Variants in KATNB1 observed in about 807,000 individuals in gnomAD.
KATNB1 encodes the protein katanin p80 WD40 repeat-containing subunit B1.
A neutral mutation model predicts 82.3 loss-of-function variants in KATNB1; 38 were observed. The observed-to-expected ratio is 0.46, with a 90% CI of 0.36 to 0.61. The LOEUF is 0.61. Among genes scored for constraint, KATNB1 ranks in the 20% least tolerant of loss-of-function variants. The pLI, the probability that KATNB1 is intolerant of heterozygous loss-of-function variation, is 0.00. For synonymous variants in KATNB1, 361 were observed against 368.7 expected (o/e 0.98, Z 0.24); for missense variants, 749 against 915.7 (o/e 0.82, Z 2.35).
At chr16:57,749,591 A>G (rs932194202) in intron 4 of KATNB1, among the ~76,000 whole-genome samples, 1 of 152,156 alleles carries the variant, frequency 6.6e-6, no homozygotes, top group Non-Finnish European at 1.5e-5. Context: ...GGACTCCCAC[A>G]TTTCCTGACC....
At chr16:57,741,911 C>A in intron 3 of KATNB1, 94 bp downstream of exon 3, 1 of 1,420,200 alleles carries the variant, frequency 7.0e-7, no homozygotes, top group Non-Finnish European at 9.6e-7. Flanking sequence ...GCTTCTCAGA[C>A]TCTCTTGAGC....
rs139909887 is a variant in KATNB1, at chr16:57,756,911, C to T, written c.1933C>T (p.Arg645Cys). ...GAGCGGCCGCCATGGCAGTACCTTC[C>T]GCGAGCTGCACCTGCTCATGGCCAG... ...GLSGRHGSTFRELHLLMASLD is the reference protein window; with the variant it reads ...GLSGRHGSTFCELHLLMASLD Residue 645 changes from arginine to cysteine, a missense_variant, in exon 20 of 20, where the codon CGC (arginine) becomes TGC (cysteine). Coordinates refer to ENST00000379661, the MANE Select transcript of KATNB1 (RefSeq NM_005886.3). The T allele has an allele frequency of 2.7e-5, 42 of 1,550,560 alleles. No homozygotes were observed. Among genetic ancestry groups the T allele is most frequent in the African/African-American group, 9.6e-5 (7 of 73,134 alleles).
intron 13 of KATNB1, 140 bp downstream of exon 13, chr16:57,754,135 C>G: frequency 1.0e-5 from 7 of 701,420 alleles, no homozygotes; most frequent in Non-Finnish European, 1.5e-5. Context: ...CCCGCTGGGT[C>G]TCTGCCCTCT....
chr16:57,741,836 C>T lies in KATNB1; in HGVS notation c.171+19C>T, dbSNP rs782442449. 32 of 1,606,810 alleles carry T rather than the reference C, an allele frequency of 2.0e-5. No individual in the cohort carries two copies. Among genetic ancestry groups the T allele is most frequent in the East Asian group, 1.8e-4 (8 of 44,560 alleles). On this transcript the variant is annotated intron_variant, in intron 3 of 19. Transcript: ENST00000379661. ...CATCATGGTGAGCCCCGACAGCTGG[C>T]GGGGGGTCAGGACAAGGGCCTGGGG...
In KATNB1 at chr16:57,751,191, T is replaced by C. The variant is rs3803594; in HGVS notation, c.391-70T>C. 62,788 of 1,473,208 alleles carry C rather than the reference T, an allele frequency of 0.043. 3,908 individuals are homozygous for C. The highest frequency in any genetic ancestry group is 0.22 in the Admixed American group (13,113 of 59,598). 91.3% of individuals were successfully genotyped at this position (1,473,208 alleles called of 1,614,324 possible). On this transcript the variant is annotated intron_variant, in intron 5 of 19. Transcript: ENST00000379661. The surrounding 1 kb of genome is among the most constrained non-coding windows in gnomAD (Gnocchi z 6.3). Reference sequence around the variant, plus strand: ...CTGGGCCCCACCGTCTGCTCACGACTGCACACCTTCCTCCAGTCGTGGCTC... The same window carrying C: ...CTGGGCCCCACCGTCTGCTCACGACCGCACACCTTCCTCCAGTCGTGGCTC...
chr16:57,738,736 G>A (rs1327889470), intron 2 of KATNB1, among the ~76,000 whole-genome samples: 2 of 152,214 alleles, frequency 1.3e-5, no homozygotes, highest in Non-Finnish European at 2.9e-5. Flanking sequence ...ACTTTGGTCA[G>A]AGTGGCTTTG....
Position 57,737,196 on chromosome 16 carries a change from G to A in KATNB1, c.-48G>A. ...GATCCACCCCCACCCCACGAGGAAAGCACAGTTTATTTTGTGGGTGGGGCT... is the reference window on the plus strand; with the variant it reads ...GATCCACCCCCACCCCACGAGGAAAACACAGTTTATTTTGTGGGTGGGGCT... On this transcript the variant is annotated 5_prime_UTR_variant, in exon 2 of 20. Transcript: ENST00000379661. The A allele has an allele frequency of 6.2e-7, 1 of 1,612,030 alleles. No individual in the cohort carries two copies. Among genetic ancestry groups the A allele is most frequent in the Non-Finnish European group, 8.5e-7 (1 of 1,178,708 alleles).
chr16:57,746,395 C>CT (rs2049184458), intron 4 of KATNB1, among the ~76,000 whole-genome samples: 1 of 152,052 alleles, frequency 6.6e-6, no homozygotes, highest in Admixed American at 6.6e-5. Flanking sequence ...TCTCTGCAGG[C>CT]TTTTAGGGTC....
intron 16 of KATNB1, 149 bp from the exon 17 acceptor site, chr16:57,755,692 C>A: frequency 1.0e-6 from 1 of 977,358 alleles, no homozygotes; most frequent in Non-Finnish European, 1.5e-6. Context: ...GTTTACATGC[C>A]TGGCCTTACA....
intron 4 of KATNB1, among the ~76,000 whole-genome samples, chr16:57,745,725 G>A (rs1340287050): frequency 1.4e-4 from 21 of 151,918 alleles, no homozygotes; most frequent in African/African-American, 1.2e-4. Flanking sequence ...ATGTAAGGAC[G>A]CATAAGTGTC....
intron 13 of KATNB1, among the ~76,000 whole-genome samples, chr16:57,754,683 GGC>G (rs1334417509): frequency 1.3e-5 from 2 of 152,130 alleles, no homozygotes; most frequent in Non-Finnish European, 2.9e-5. Flanking sequence ...GGGACAGGAT[GGC>G]CACATCCTAG....
chr16:57,738,932 G>C (rs1176114853), intron 2 of KATNB1, among the ~76,000 whole-genome samples: 4 of 150,556 alleles, frequency 2.7e-5, no homozygotes, highest in African/African-American at 9.7e-5. Context: ...GCAAGCTGGT[G>C]CCTGTGCTTT....
At chr16:57,741,945 C>A in intron 3 of KATNB1, 128 bp downstream of exon 3, 1 of 1,147,580 alleles carries the variant, frequency 8.7e-7, no homozygotes. Flanking sequence ...TCCGCTGGGG[C>A]CCAGCTCAGG....
At chr16:57,743,911 C>T (rs1555580493) in intron 3 of KATNB1, among the ~76,000 whole-genome samples, 1 of 152,230 alleles carries the variant, frequency 6.6e-6, no homozygotes, top group Non-Finnish European at 1.5e-5. Flanking sequence ...GATGGGCAGT[C>T]AGGGAGAGCC....
intron 13 of KATNB1, 76 bp downstream of exon 13, chr16:57,754,071 C>A: frequency 1.6e-6 from 2 of 1,246,838 alleles, no homozygotes; most frequent in Non-Finnish European, 2.3e-6. Flanking sequence ...GTGAACCCTC[C>A]CAACAAGCCC....
At chr16:57,747,137 C>A (rs1555581631) in intron 4 of KATNB1, among the ~76,000 whole-genome samples, 2 of 152,240 alleles carry the variant, frequency 1.3e-5, no homozygotes, top group African/African-American at 4.8e-5. Flanking sequence ...CCACTTCAGC[C>A]TCCCAAAGTG....
In KATNB1 at chr16:57,751,896, C is replaced by A; in HGVS notation, c.517-44C>A. On this transcript the variant is annotated intron_variant, in intron 7 of 19. Transcript: ENST00000379661. This position sits in a 1 kb window ranked among gnomAD's most constrained non-coding sequence, Gnocchi z 6.3. ...CTGGATTAGAGGGAGGGTGGGCAGC[C>A]AAGATGCCTGGTCACCCTGACCTCC... 1 of 1,521,610 alleles carries A rather than the reference C, an allele frequency of 6.6e-7. No homozygotes were observed. The highest frequency in any genetic ancestry group is 9.1e-7 in the Non-Finnish European group (1 of 1,099,826). 94.3% of individuals were successfully genotyped at this position (1,521,610 alleles called of 1,614,324 possible). A position where few individuals can be genotyped will look rare whatever the true frequency, so the allele number is the denominator to read the frequency against.
intron 17 of KATNB1, 30 bp downstream of exon 17, chr16:57,755,947 A>G: frequency 1.9e-6 from 3 of 1,608,236 alleles, no homozygotes; most frequent in Non-Finnish European, 2.6e-6. Flanking sequence ...GAGTGGGCGG[A>G]GGGGCAGGGC....
chr16:57,751,522 C>A lies in KATNB1; in HGVS notation c.433-119C>A. 1.9e-6 allele frequency: 2 copies of A among 1,073,110 alleles called. No individual in the cohort carries two copies. The highest frequency in any genetic ancestry group is 2.8e-6 in the Non-Finnish European group (2 of 706,142). 66.5% of individuals were successfully genotyped at this position (1,073,110 alleles called of 1,614,324 possible). ...GCCACGTTCATCAAACTGCTCCAAG[C>A]AGAACCAGGCGGGTAACCAGTGTTG... On this transcript the variant is annotated intron_variant, in intron 6 of 19. Coordinates refer to ENST00000379661, the MANE Select transcript of KATNB1 (RefSeq NM_005886.3). This position sits in a 1 kb window ranked among gnomAD's most constrained non-coding sequence, Gnocchi z 6.3.
Sources: gnomAD v4.1 joint callset for allele counts (sites outside exome capture counted in the v4.1 genomes callset) on GRCh38, gnomAD v4.1.1 for gene constraint, Gnocchi (gnomAD v3.1) non-coding constraint, MANE v1.5 for transcripts, NCBI Gene and HGNC (gene_info 2026-07-23, HGNC 2026-07-21) for gene names.